Variants in FGF10 observed in about 807,000 individuals in gnomAD.
The protein encoded by FGF10 is fibroblast growth factor 10, also known as FGF-10.
Under a neutral mutation model 19.8 loss-of-function variants are expected in FGF10, and 2 were observed. The ratio of observed to expected loss-of-function variants is 0.10; its 90% CI spans 0.04 to 0.32. The LOEUF (loss-of-function observed/expected upper bound fraction) is 0.32. Among genes scored for constraint, FGF10 ranks in the 10% least tolerant of loss-of-function variants. FGF10 has a pLI of 1.00. For missense variants in FGF10, 191 were observed against 246.3 expected (o/e 0.78, Z 1.50); for synonymous variants, 112 against 94.0 (o/e 1.19, Z -1.10).
intron 1 of FGF10, among the ~76,000 whole-genome samples, chr5:44,316,745 G>C (rs903555614): frequency 3.3e-5 from 5 of 152,156 alleles, no homozygotes; most frequent in Admixed American, 2.6e-4. Flanking sequence ...GAACAGGTAT[G>C]GGATTTTTAA....
chr5:44,310,449 T>C lies in FGF10; in HGVS notation c.407A>G (p.Lys136Arg). Residue 136 changes from lysine (K) to arginine (R), a missense_variant, in exon 2 of 3, where the codon AAG becomes AGG. By Grantham distance (26) the Lys-to-Arg change is conservative (BLOSUM62 2). This residue lies in a region of FGF10 where 99 missense variants were observed against 161.7 expected (regional missense o/e 0.61). Coordinates refer to ENST00000264664, the MANE Select transcript of FGF10 (RefSeq NM_004465.2). The part of the protein sequence containing the change: ...INSNYYLAMN[K>R]KGKLYGSKEF... ...TACTGAGCCATAGAGTTTCCCCTTCTTGTTCATGGCTAAGTAATAGTTGCT... is the reference window on the plus strand; with the variant it reads ...TACTGAGCCATAGAGTTTCCCCTTCCTGTTCATGGCTAAGTAATAGTTGCT... 1 of 1,611,300 alleles carries C rather than the reference T, an allele frequency of 6.2e-7. No homozygotes were observed. The highest frequency in any genetic ancestry group is 8.5e-7 in the Non-Finnish European group (1 of 1,177,878).
intron 1 of FGF10, among the ~76,000 whole-genome samples, chr5:44,356,961 C>G (rs959137618): frequency 2.6e-5 from 4 of 151,168 alleles, no homozygotes; most frequent in Non-Finnish European, 4.4e-5. Context: ...CCCTTTCCCC[C>G]AGTACACTTG....
chr5:44,315,198 C>A lies in FGF10; in HGVS notation c.326-4668G>T, dbSNP rs535134562. Among the ~76,000 whole-genome samples the A allele has an allele frequency of 6.2e-3, 885 of 142,384 alleles. 3 individuals are homozygous for A. The highest frequency in any genetic ancestry group is 9.8e-3 in the Non-Finnish European group (645 of 65,722). 93.4% of individuals were successfully genotyped at this position (142,384 alleles called of 152,430 possible). A position where few individuals can be genotyped will look rare whatever the true frequency, so the allele number is the denominator to read the frequency against. On this transcript the variant is annotated intron_variant, in intron 1 of 2. Coordinates refer to ENST00000264664, the MANE Select transcript of FGF10 (RefSeq NM_004465.2). The stretch of plus-strand genomic sequence containing the variant: ...ATGACAATACAAAAAAAAAAAAAAA[C>A]CAGAAAGAAAATATATTAAGTGTGG...
intron 1 of FGF10, among the ~76,000 whole-genome samples, chr5:44,387,366 G>A (rs769261632): frequency 1.3e-4 from 20 of 152,128 alleles, no homozygotes; most frequent in Non-Finnish European, 2.8e-4. Context: ...GAGGGAAAAG[G>A]CAAGACCAAA....
intron 1 of FGF10, among the ~76,000 whole-genome samples, chr5:44,324,766 GC>G (rs1199941646): frequency 2.6e-5 from 4 of 152,100 alleles, no homozygotes; most frequent in Non-Finnish European, 5.9e-5. Context: ...TTTTCAACTT[GC>G]CACCAAAATG....
chr5:44,360,767 C>A (rs1741463095), intron 1 of FGF10, among the ~76,000 whole-genome samples: 1 of 151,642 alleles, frequency 6.6e-6, no homozygotes. Flanking sequence ...ATTTGCAAGG[C>A]ATGATGACAA....
chr5:44,357,689 C>A lies in FGF10; in HGVS notation c.325+30669G>T, dbSNP rs532708548. Among the ~76,000 whole-genome samples, 3 of 151,520 alleles carry A rather than the reference C, an allele frequency of 2.0e-5. No homozygotes were observed. The South Asian group carries it at 6.2e-4, about 31-fold the overall frequency. ...TGCTCTTAACCATTATGCTATTTTGCCTCTCTTTGTGAGGTGCTTAGGTAG... is the reference window on the plus strand; with the variant it reads ...TGCTCTTAACCATTATGCTATTTTGACTCTCTTTGTGAGGTGCTTAGGTAG... On this transcript the variant is annotated intron_variant, in intron 1 of 2. Transcript: ENST00000264664.
rs923560191 is a variant in FGF10 at position 44,302,024 on chromosome 5, T to C, written c.*2971A>G. Among the ~76,000 whole-genome samples the C allele has an allele frequency of 4.6e-5, 7 of 152,078 alleles. No individual in the cohort carries two copies. The highest frequency in any genetic ancestry group is 1.4e-4 in the African/African-American group (6 of 41,438). ...TATTTGTGGCTGATGCACTTTAACTTTGTGGGCCTGGGACCATACTCCTAC... is the reference window on the plus strand; with the variant it reads ...TATTTGTGGCTGATGCACTTTAACTCTGTGGGCCTGGGACCATACTCCTAC... On this transcript the variant is annotated 3_prime_UTR_variant, in exon 3 of 3. Coordinates refer to ENST00000264664, the MANE Select transcript of FGF10 (RefSeq NM_004465.2).
At chr5:44,379,135 G>T (rs924668431) in intron 1 of FGF10, among the ~76,000 whole-genome samples, 1 of 152,066 alleles carries the variant, frequency 6.6e-6, no homozygotes, top group Non-Finnish European at 1.5e-5. Flanking sequence ...TGCTCTTTGG[G>T]GTAGTTCCCA....
intron 2 of FGF10, among the ~76,000 whole-genome samples, chr5:44,309,546 T>G (rs532595465): frequency 7.9e-5 from 12 of 152,300 alleles, no homozygotes; most frequent in African/African-American, 2.9e-4. Context: ...CTATACTTCT[T>G]TCTTATGCAT....
Position 44,349,441 on chromosome 5 carries a change from T to TATATATATATCAGA in FGF10, c.326-38912_326-38911insTCTGATATATATAT, listed in dbSNP as rs1554038115. On this transcript the variant is annotated intron_variant, in intron 1 of 2. Coordinates refer to ENST00000264664, the MANE Select transcript of FGF10 (RefSeq NM_004465.2). ...TTTTCTTTATATATATATATATATA[T>TATATATATATCAGA]ATATATATATATATATATATATATA... Among the ~76,000 whole-genome samples, 49 of 12,404 alleles carry TATATATATATCAGA rather than the reference T, an allele frequency of 4.0e-3. 1 individual carries two copies. Among genetic ancestry groups the TATATATATATCAGA allele is most frequent in the Non-Finnish European group, 0.01 (42 of 4,164 alleles). 8.1% of individuals were successfully genotyped at this position (12,404 alleles called of 152,430 possible).
intron 1 of FGF10, among the ~76,000 whole-genome samples, chr5:44,356,539 T>C (rs565157096): frequency 6.6e-6 from 1 of 151,446 alleles, no homozygotes; most frequent in South Asian, 2.1e-4. Flanking sequence ...AATGAGCTCT[T>C]TACTGGCAGC....
At chr5:44,358,373 A>G (rs144621631) in intron 1 of FGF10, among the ~76,000 whole-genome samples, 10 of 151,620 alleles carry the variant, frequency 6.6e-5, no homozygotes, top group African/African-American at 1.9e-4. Flanking sequence ...GTTCTTAGAC[A>G]TAGGGAATTT....
intron 1 of FGF10, among the ~76,000 whole-genome samples, chr5:44,327,702 T>A (rs144585375): frequency 3.9e-5 from 6 of 152,296 alleles, no homozygotes; most frequent in African/African-American, 1.4e-4. Flanking sequence ...AGCTTTCTCA[T>A]CCCTCTTTGC....
At chr5:44,361,860 C>T (rs996010704) in intron 1 of FGF10, among the ~76,000 whole-genome samples, 1 of 151,612 alleles carries the variant, frequency 6.6e-6, no homozygotes, top group Admixed American at 6.6e-5. Context: ...CATTTCCTTT[C>T]GTCTGCATCT....
rs745572884 is a variant in FGF10 at position 44,304,963 on chromosome 5, G to A, written c.*32C>T. ...CACTATTCTTGGCAAAAGAGCCATTGGTTCTACTGCATCCACAAACGTTGC... is the reference window on the plus strand; with the variant it reads ...CACTATTCTTGGCAAAAGAGCCATTAGTTCTACTGCATCCACAAACGTTGC... On this transcript the variant is annotated 3_prime_UTR_variant, in exon 3 of 3. Transcript: ENST00000264664. 2.0e-5 allele frequency: 32 copies of A among 1,598,100 alleles called. No homozygotes were observed. The African/African-American group carries it at 3.6e-4, about 18-fold the overall frequency.
In FGF10 at chr5:44,388,500, G is replaced by A. The variant is rs2111939940; in HGVS notation, c.183C>T (p.Ser61=). The stretch of plus-strand genomic sequence containing the variant: ...AGCTCCGCACATGCCTTCCCGCGCT[G>A]GAAGGAGAGGAGAAGGAGGAGGAAG... ...NSSSSSFSSP[S]SAGRHVRSYN... The change falls in exon 1 of 3, where the codon TCC becomes TCT. Residue 61 remains serine (S), a synonymous_variant. Coordinates refer to ENST00000264664, the MANE Select transcript of FGF10 (RefSeq NM_004465.2). The A allele has an allele frequency of 1.2e-6, 2 of 1,614,160 alleles. No homozygotes were observed. Among genetic ancestry groups the A allele is most frequent in the Admixed American group, 1.7e-5 (1 of 60,030 alleles).
intron 2 of FGF10, among the ~76,000 whole-genome samples, chr5:44,308,014 G>T (rs183095033): frequency 2.0e-5 from 3 of 152,302 alleles, no homozygotes; most frequent in African/African-American, 7.2e-5. Flanking sequence ...AACAAATAGT[G>T]GGGGACAAGA....
chr5:44,339,121 T>A (rs1362589351), intron 1 of FGF10, among the ~76,000 whole-genome samples: 1 of 152,168 alleles, frequency 6.6e-6, no homozygotes, highest in Non-Finnish European at 1.5e-5. Context: ...TTTATGAAAA[T>A]TTCCAAAATA....
Sources: allele counts gnomAD v4.1 joint callset (sites outside exome capture counted in the v4.1 genomes callset), GRCh38; gene constraint gnomAD v4.1.1; regional missense constraint gnomAD v4.1.1; transcripts MANE v1.5; gene names NCBI Gene and HGNC (gene_info 2026-07-23, HGNC 2026-07-21).